ABCA10: variants seen among roughly 807,000 people sequenced by gnomAD.
The protein encoded by ABCA10 is ATP-binding cassette sub-family A member 10.
In ABCA10, 169 loss-of-function variants were observed where a neutral mutation model predicts 187.5. The ratio of observed to expected loss-of-function variants is 0.90; its 90% CI spans 0.80 to 1.02. ABCA10 has a LOEUF of 1.02. Among genes scored for constraint, ABCA10 ranks in the 50% least tolerant of loss-of-function variants. The probability of loss-of-function intolerance (pLI) is 0.00; values close to 1 mark genes in which losing one functional copy is unlikely to be tolerated. For missense variants in ABCA10, 1,727 were observed against 1,812.4 expected (o/e 0.95, Z 0.86); for synonymous variants, 574 against 601.8 (o/e 0.95, Z 0.68).
At position 69,201,471 on chromosome 17, in the gene ABCA10, T is replaced by C. The variant is rs764250986; in HGVS notation, c.1175+29A>G. 6 of 1,520,048 alleles carry C rather than the reference T, an allele frequency of 3.9e-6. No individual in the cohort carries two copies. In the South Asian group the frequency reaches 8.1e-5, roughly 21 times the overall value. The allele number at this position is 1,520,048 out of a possible 1,614,324, so 94.2% of individuals were successfully genotyped here. A position where few individuals can be genotyped will look rare whatever the true frequency, so the allele number is the denominator to read the frequency against. ...CATTTACTAAGCTTTTACCTATAAGTGTACATAGTCATGTAATTTCTTAGT... is the reference window on the plus strand; with the variant it reads ...CATTTACTAAGCTTTTACCTATAAGCGTACATAGTCATGTAATTTCTTAGT... On this transcript the variant is annotated intron_variant, in intron 10 of 38. Coordinates refer to ENST00000690296, the MANE Select transcript of ABCA10 (RefSeq NM_001377321.1).
intron 27 of ABCA10, among the ~76,000 whole-genome samples, chr17:69,160,001 TC>T (rs1407363254): frequency 1.3e-5 from 2 of 151,858 alleles, no homozygotes; most frequent in African/African-American, 4.8e-5. Flanking sequence ...TCAAAATGGA[TC>T]AAAGACCTAA....
At chr17:69,229,918 A>C (rs142111013), upstream of ABCA10, among the ~76,000 whole-genome samples, 52 of 152,116 alleles carry the variant, frequency 3.4e-4, no homozygotes, top group African/African-American at 1.2e-3. Context: ...TTAATCACCA[A>C]ATTTTTAAAA....
At chr17:69,150,168 AGT>A (rs1380890141) in intron 36 of ABCA10, 105 bp from the exon 37 acceptor site, 44 of 771,772 alleles carry the variant, frequency 5.7e-5, no homozygotes, top group Non-Finnish European at 8.0e-5. Context: ...TCTTTAAATA[AGT>A]GTCTGATTTG....
intron 9 of ABCA10, among the ~76,000 whole-genome samples, chr17:69,207,926 T>C (rs186138319): frequency 6.9e-4 from 105 of 152,312 alleles, no homozygotes; most frequent in Middle Eastern, 3.4e-3. Context: ...TTTTAAGTGT[T>C]CTCACTACAA....
At chr17:69,211,526 A>G (rs753245402) in intron 9 of ABCA10, among the ~76,000 whole-genome samples, 2 of 150,922 alleles carry the variant, frequency 1.3e-5, no homozygotes, top group East Asian at 2.0e-4. Context: ...CTCTTTCTCT[A>G]TCTTTTGAAA....
intron 27 of ABCA10, among the ~76,000 whole-genome samples, chr17:69,162,844 T>TATACATATAC (rs1568051561): frequency 4.9e-5 from 1 of 20,534 alleles, no homozygotes; most frequent in Admixed American, 4.8e-4. Context: ...TATACATATA[T>TATACATATAC]ATATATATAT....
At chr17:69,164,229 AT>A in intron 26 of ABCA10, 75 bp from the exon 27 acceptor site, 1 of 1,166,920 alleles carries the variant, frequency 8.6e-7, no homozygotes, top group Non-Finnish European at 1.2e-6. Context: ...ATACACCCAC[AT>A]TATACTTGAT....
Position 69,221,777 on chromosome 17 carries a change from A to C in ABCA10, c.303+15T>G, listed in dbSNP as rs1343265291. On this transcript the variant is annotated intron_variant, in intron 5 of 38. Transcript: ENST00000690296. Reference sequence around the variant, plus strand: ...AATACAGATTTAAAATATAGCTTTGAAGTTAGGCACTTACTTCTATAATTG... The same window carrying C: ...AATACAGATTTAAAATATAGCTTTGCAGTTAGGCACTTACTTCTATAATTG... 6.3e-7 allele frequency: 1 copy of C among 1,591,218 alleles called. No homozygotes were observed. Among genetic ancestry groups the C allele is most frequent in the Non-Finnish European group, 8.6e-7 (1 of 1,163,656 alleles).
chr17:69,214,312 G>A (rs1446210696), intron 9 of ABCA10, among the ~76,000 whole-genome samples: 8 of 151,946 alleles, frequency 5.3e-5, no homozygotes, highest in African/African-American at 1.9e-4. Flanking sequence ...TCAGGAGATC[G>A]AGACCATCCC....
intron 28 of ABCA10, 129 bp downstream of exon 28, chr17:69,156,703 T>C: frequency 2.3e-6 from 1 of 425,570 alleles, no homozygotes; most frequent in Non-Finnish European, 4.0e-6. Context: ...CAGATCTCAA[T>C]TAGTATTCTC....
At chr17:69,185,717 T>A (rs2074416153) in intron 19 of ABCA10, 74 bp from the exon 20 acceptor site, 1 of 1,264,530 alleles carries the variant, frequency 7.9e-7, no homozygotes, top group African/African-American at 1.5e-5. Context: ...AGATGCTATA[T>A]AAGTGCTAAC....
intron 22 of ABCA10, among the ~76,000 whole-genome samples, chr17:69,180,296 T>G (rs147330189): frequency 6.6e-6 from 1 of 152,182 alleles, no homozygotes; most frequent in Non-Finnish European, 1.5e-5. Context: ...ATTCAACAAA[T>G]ATTTATAGAG....
chr17:69,209,193 A>C (rs891295563), intron 9 of ABCA10, among the ~76,000 whole-genome samples: 2 of 152,246 alleles, frequency 1.3e-5, no homozygotes, highest in Non-Finnish European at 2.9e-5. Flanking sequence ...TAATTTTTTA[A>C]ATTATCAAAT....
At chr17:69,165,437 G>C (rs529507093) in intron 25 of ABCA10, among the ~76,000 whole-genome samples, 37 of 152,176 alleles carry the variant, frequency 2.4e-4, no homozygotes, top group Middle Eastern at 6.8e-3. Context: ...GATATGACTT[G>C]GGAACTTAAA....
chr17:69,162,551 T>C (rs1598089482), intron 27 of ABCA10, among the ~76,000 whole-genome samples: 1 of 152,160 alleles, frequency 6.6e-6, no homozygotes, highest in African/African-American at 2.4e-5. Flanking sequence ...GGCAATTCTG[T>C]GAGAGTTCCT....
chr17:69,162,052 C>T (rs2074222152), intron 27 of ABCA10, among the ~76,000 whole-genome samples: 1 of 152,206 alleles, frequency 6.6e-6, no homozygotes, highest in Admixed American at 6.5e-5. Context: ...AAATCACAGA[C>T]ATCTCAACTG....
At position 69,225,526 on chromosome 17, in the gene ABCA10, A is replaced by G. The variant is rs2074787262; in HGVS notation, c.-168T>C. 1.7e-6 allele frequency: 1 copy of G among 596,532 alleles called. No homozygotes were observed. Among genetic ancestry groups the G allele is most frequent in the Admixed American group, 3.3e-5 (1 of 30,232 alleles). The allele number at this position is 596,532 out of a possible 1,614,324, so 37.0% of individuals were successfully genotyped here. On this transcript the variant is annotated 5_prime_UTR_variant, in exon 3 of 39. The change abolishes an upstream ATG in the 5' untranslated region. Coordinates refer to ENST00000690296, the MANE Select transcript of ABCA10 (RefSeq NM_001377321.1). Reference sequence around the variant, plus strand: ...AGCCCTAGAAACAATGTTATTGTCCATTCCTCCAGCACACAAAAGAGAAAT... The same window carrying G: ...AGCCCTAGAAACAATGTTATTGTCCGTTCCTCCAGCACACAAAAGAGAAAT...
Position 69,174,703 on chromosome 17 carries a change from G to T in ABCA10, c.2952C>A (p.Asp984Glu). ...AGAGAATCAAGAAGTATAATGGAAT[G>T]TCCACCAGAGCCTGTCCACACCAGT... is the stretch of plus-strand genomic sequence containing the variant. Reference protein sequence around the residue: ...SAYWCGQALVDIPLYFLILFS... With the variant: ...SAYWCGQALVEIPLYFLILFS... The change falls in exon 24 of 39, where the codon GAC becomes GAA. Residue 984 changes from aspartate to glutamate, a missense_variant. By Grantham distance (45) the Asp-to-Glu change is conservative. Coordinates refer to ENST00000690296, the MANE Select transcript of ABCA10 (RefSeq NM_001377321.1). The T allele has an allele frequency of 6.2e-7, 1 of 1,612,328 alleles. No homozygotes were observed. The highest frequency in any genetic ancestry group is 1.1e-5 in the South Asian group (1 of 90,900).
chr17:69,153,802 G>A lies in ABCA10; in HGVS notation c.3965+29C>T, dbSNP rs974631253. ...AATGACATATTTTCCCCTTCCTCCTGCTACAAATTGTGAGACTTCTCTCTG... is the reference window on the plus strand; with the variant it reads ...AATGACATATTTTCCCCTTCCTCCTACTACAAATTGTGAGACTTCTCTCTG... On this transcript the variant is annotated intron_variant, in intron 32 of 38. Coordinates refer to ENST00000690296, the MANE Select transcript of ABCA10 (RefSeq NM_001377321.1). 1.9e-6 allele frequency: 3 copies of A among 1,580,922 alleles called. No homozygotes were observed. In the Admixed American group the frequency reaches 5.6e-5, roughly 29 times the overall value.
Sources: gnomAD v4.1 joint callset for allele counts (sites outside exome capture counted in the v4.1 genomes callset) on GRCh38, gnomAD v4.1.1 for gene constraint, MANE v1.5 for transcripts, NCBI Gene and HGNC (gene_info 2026-07-23, HGNC 2026-07-21) for gene names.